The following CLSTN1 variants were observed in gnomAD, a reference collection of about 807,000 sequenced individuals.
CLSTN1 encodes calsyntenin-1.
CLSTN1 carries 28 observed loss-of-function variants against 108.3 expected under a neutral mutation model. The observed-to-expected ratio is 0.26, with a 90% CI of 0.19 to 0.35. The LOEUF (loss-of-function observed/expected upper bound fraction) is 0.35, where lower values mean the gene tolerates loss of function less well. Among genes scored for constraint, CLSTN1 ranks in the 10% least tolerant of loss-of-function variants. The probability of loss-of-function intolerance (pLI) is 1.00; values close to 1 mark genes in which losing one functional copy is unlikely to be tolerated. For missense variants in CLSTN1, 1,157 were observed against 1,302.6 expected, an observed-to-expected ratio of 0.89 and a Z score of 1.72; for synonymous variants, 524 against 534.9, an observed-to-expected ratio of 0.98 and a Z score of 0.28.
At chr1:9,789,407 A>G (rs564978851) in intron 1 of CLSTN1, among the ~76,000 whole-genome samples, 11 of 151,564 alleles carry the variant, frequency 7.3e-5, no homozygotes, top group African/African-American at 2.4e-4. Flanking sequence ...GCTTTATATC[A>G]AGTAATTTTA....
chr1:9,764,749 T>C (rs1652245092), intron 2 of CLSTN1, among the ~76,000 whole-genome samples: 1 of 151,742 alleles, frequency 6.6e-6, no homozygotes, highest in Non-Finnish European at 1.5e-5. Context: ...CTCTGTCACT[T>C]GGGGCTGAAC....
chr1:9,793,384 C>T (rs967639579), intron 1 of CLSTN1, among the ~76,000 whole-genome samples: 10 of 151,474 alleles, frequency 6.6e-5, no homozygotes, highest in Non-Finnish European at 1.3e-4. Context: ...CATCCATCCA[C>T]GGCAGCTGTG....
chr1:9,822,020 G>C (rs1172364258), intron 1 of CLSTN1, among the ~76,000 whole-genome samples: 2 of 152,188 alleles, frequency 1.3e-5, no homozygotes, highest in Non-Finnish European at 2.9e-5. Flanking sequence ...AACAAATGTA[G>C]GTGCTATTTA....
intron 12 of CLSTN1, 103 bp downstream of exon 12, chr1:9,735,782 T>A: frequency 3.3e-6 from 5 of 1,516,606 alleles, no homozygotes; most frequent in Non-Finnish European, 4.5e-6. Context: ...TACCCAACAG[T>A]AAACGTATCA....
At chr1:9,767,678 A>G (rs1652412493) in intron 2 of CLSTN1, among the ~76,000 whole-genome samples, 1 of 152,114 alleles carries the variant, frequency 6.6e-6, no homozygotes, top group Non-Finnish European at 1.5e-5. Flanking sequence ...CCTCCTCAAC[A>G]TGGTGCGAAA....
chr1:9,733,315 T>A, intron 16 of CLSTN1, 86 bp downstream of exon 16: 1 of 1,522,016 alleles, frequency 6.6e-7, no homozygotes, highest in Non-Finnish European at 9.1e-7. Context: ...TGCTCTGAGG[T>A]TGGCGTTTGT....
At chr1:9,785,316 G>C (rs1480430046) in intron 1 of CLSTN1, among the ~76,000 whole-genome samples, 2 of 151,920 alleles carry the variant, frequency 1.3e-5, no homozygotes, top group Non-Finnish European at 2.9e-5. Context: ...CTGTAAAACA[G>C]ATTTTTTAAT....
In CLSTN1 at chr1:9,817,164, C is replaced by T. The variant is rs1435174930; in HGVS notation, c.91+6479G>A. ...GGAGGACTGATTGAGTCCAGGAGTT[C>T]GAGACCAGCCTGAGCAACACAGTGA... is the stretch of plus-strand genomic sequence containing the variant. On this transcript the variant is annotated intron_variant, in intron 1 of 18. Transcript: ENST00000377298. Among the ~76,000 whole-genome samples, 6 of 152,110 alleles carry T rather than the reference C, an allele frequency of 3.9e-5. No homozygotes were observed. The East Asian group carries it at 5.8e-4, about 15-fold the overall frequency.
intron 5 of CLSTN1, chr1:9,750,126 A>C (rs183436764): frequency 3.9e-5 from 20 of 513,208 alleles, no homozygotes; most frequent in African/African-American, 3.6e-4. Context: ...GAAGAGACGG[A>C]GCTACACAGC....
Position 9,756,476 on chromosome 1 carries a change from A to T in CLSTN1, c.244+5T>A. 1 of 1,612,000 alleles carries T rather than the reference A, an allele frequency of 6.2e-7. No individual in the cohort carries two copies. The highest frequency in any genetic ancestry group is 8.5e-7 in the Non-Finnish European group (1 of 1,178,170). On this transcript the variant is annotated splice_donor_5th_base_variant and intron_variant, in intron 3 of 18. Transcript: ENST00000377298. ...ATAAGAGGGGAAGAAAGAACCCTTTATCACCTTCTTTGGTGACTGTCACCT... is the reference window on the plus strand; with the variant it reads ...ATAAGAGGGGAAGAAAGAACCCTTTTTCACCTTCTTTGGTGACTGTCACCT...
At chr1:9,811,184 A>G (rs2101319080) in intron 1 of CLSTN1, among the ~76,000 whole-genome samples, 1 of 152,344 alleles carries the variant, frequency 6.6e-6, no homozygotes, top group Admixed American at 6.5e-5. Context: ...TTGTTATTAA[A>G]GTCAGCAGAA....
chr1:9,762,843 C>T (rs1259289779), intron 2 of CLSTN1, among the ~76,000 whole-genome samples: 2 of 152,158 alleles, frequency 1.3e-5, no homozygotes, highest in Non-Finnish European at 2.9e-5. Context: ...CACTCAACGG[C>T]TGGGTGTCCG....
chr1:9,799,671 G>A (rs774914578), intron 1 of CLSTN1, among the ~76,000 whole-genome samples: 29 of 150,118 alleles, frequency 1.9e-4, no homozygotes, highest in Non-Finnish European at 3.2e-4. Context: ...TGCCAGGCGC[G>A]GTGACTCACG....
Position 9,734,397 on chromosome 1 carries a change from A to G in CLSTN1, c.2111-255T>C, listed in dbSNP as rs1222394633. Among the ~76,000 whole-genome samples the G allele has an allele frequency of 6.6e-6, 1 of 152,178 alleles. No homozygotes were observed. Among genetic ancestry groups the G allele is most frequent in the African/African-American group, 2.4e-5 (1 of 41,444 alleles). On this transcript the variant is annotated intron_variant, in intron 14 of 18. Coordinates refer to ENST00000377298, the MANE Select transcript of CLSTN1 (RefSeq NM_001009566.3). The surrounding 1 kb of genome is among the most constrained non-coding windows in gnomAD (Gnocchi z 4.8). The stretch of plus-strand genomic sequence containing the variant: ...TGAGACCAGCCTGGCCAACAGGGTG[A>G]AAGCCCGTCTCTACTAAAAATACAA...
intron 1 of CLSTN1, among the ~76,000 whole-genome samples, chr1:9,775,841 C>T (rs183045757): frequency 9.0e-4 from 137 of 152,264 alleles, no homozygotes; most frequent in Non-Finnish European, 1.6e-3. Context: ...GGATGTGATG[C>T]TACCTCTGCT....
intron 2 of CLSTN1, among the ~76,000 whole-genome samples, chr1:9,771,519 CAGG>C (rs1421019884): frequency 6.6e-6 from 1 of 152,026 alleles, no homozygotes; most frequent in African/African-American, 2.4e-5. Context: ...GAGGCTGAGG[CAGG>C]AGAACTGCTT....
intron 2 of CLSTN1, among the ~76,000 whole-genome samples, chr1:9,765,319 G>C (rs147730671): frequency 0.047 from 7,072 of 151,924 alleles, 526 homozygotes; most frequent in African/African-American, 0.16. Context: ...AGGAGGCGGA[G>C]GTTGCGGTGA....
intron 1 of CLSTN1, among the ~76,000 whole-genome samples, chr1:9,814,278 GGT>G (rs1202638857): frequency 2.0e-5 from 3 of 151,016 alleles, no homozygotes; most frequent in Non-Finnish European, 4.4e-5. Context: ...CAGGCATGGT[GGT>G]GTGTGTCTGT....
intron 4 of CLSTN1, 27 bp downstream of exon 4, chr1:9,755,087 T>C: frequency 2.5e-6 from 4 of 1,592,912 alleles, no homozygotes; most frequent in Non-Finnish European, 3.4e-6. Flanking sequence ...CGGTGGGTTA[T>C]GTTCACTCTT....
Sources: allele counts gnomAD v4.1 joint callset (sites outside exome capture counted in the v4.1 genomes callset), GRCh38; gene constraint gnomAD v4.1.1; non-coding constraint Gnocchi (gnomAD v3.1); transcripts MANE v1.5; gene names NCBI Gene and HGNC (gene_info 2026-07-23, HGNC 2026-07-21).